The following KRTAP27-1 variants were observed in gnomAD, a reference collection of about 807,000 sequenced individuals.
KRTAP27-1 encodes keratin-associated protein 27-1.
A neutral mutation model predicts 0.5 loss-of-function variants in KRTAP27-1; 1 was observed. The ratio of observed to expected loss-of-function variants is 1.90; its 90% confidence interval spans 0.68 to 9.03. The LOEUF (loss-of-function observed/expected upper bound fraction) is 9.03. Among genes scored for constraint, KRTAP27-1 ranks in the 30% most tolerant of loss-of-function variants. KRTAP27-1 has a pLI of 0.13. For missense variants in KRTAP27-1, 264 were observed against 244.2 expected, an observed-to-expected ratio of 1.08 and a Z score of -0.54; for synonymous variants, 103 against 88.9, an observed-to-expected ratio of 1.16 and a Z score of -0.89.
rs1982058716 is a variant in KRTAP27-1, at chr21:30,337,318, T to C, written c.351A>G (p.Gln117=). ...AGLACVSQPC[Q]SESTQQMGFV... ...AACCCATCTGCTGAGTGCTTTCTGA[T>C]TGGCAAGGCTGAGAAACACAAGCCA... Residue 117 remains glutamine (Q), a synonymous_variant, in exon 1 of 1, where the codon CAA becomes CAG. Transcript: ENST00000382835. The C allele has an allele frequency of 1.2e-6, 2 of 1,614,236 alleles. No homozygotes were observed. The highest frequency in any genetic ancestry group is 2.2e-5 in the East Asian group (1 of 44,890).
chr21:30,337,600 ATG>A, the KRTAP27-1 span: 19 of 1,614,036 alleles, frequency 1.2e-5, no homozygotes, highest in Non-Finnish European at 1.4e-5. Flanking sequence ...GATTAGTGCC[ATG>A]TGTGATGGCA....
Position 30,337,277 on chromosome 21 carries a change from C to T in KRTAP27-1, c.392G>A (p.Cys131Tyr). ...TQQMGFVAQS[C>Y]QPASLKGNSC... is the part of the protein sequence containing the mutation. ...GTTTCCCTTGAGGCTTGCAGGTTGG[C>T]AGCTCTGGGCTACAAAACCCATCTG... Residue 131 changes from cysteine (C) to tyrosine (Y), a missense_variant, in exon 1 of 1, where the codon TGC (cysteine) becomes TAC (tyrosine). Cys to Tyr is a radical substitution (Grantham distance 194, BLOSUM62 -2). Coordinates refer to ENST00000382835, the MANE Select transcript of KRTAP27-1 (RefSeq NM_001077711.1). The T allele has an allele frequency of 1.1e-5, 17 of 1,614,132 alleles. No individual in the cohort carries two copies. Among genetic ancestry groups the T allele is most frequent in the Non-Finnish European group, 1.4e-5 (17 of 1,179,966 alleles).
At position 30,337,481 on chromosome 21, in the gene KRTAP27-1, G is replaced by A. The variant is rs761685878; in HGVS notation, c.188C>T (p.Thr63Ile). 6.2e-7 allele frequency: 1 copy of A among 1,614,160 alleles called. No individual in the cohort carries two copies. The highest frequency in any genetic ancestry group is 8.5e-7 in the Non-Finnish European group (1 of 1,180,038). ...TGTGAATAAGTCCTGTTCACAATTG[G>A]TCATTTGGCAGCTGGTGGTTTCATT... Reference protein sequence around the residue: ...TCNETTSCQMTNCEQDLFTDD... With the variant: ...TCNETTSCQMINCEQDLFTDD... Residue 63 changes from threonine to isoleucine, a missense_variant, in exon 1 of 1, where the codon ACC (threonine) becomes ATC (isoleucine). Coordinates refer to ENST00000382835, the MANE Select transcript of KRTAP27-1 (RefSeq NM_001077711.1).
the KRTAP27-1 span, chr21:30,337,529 AG>A: frequency 4.6e-4 from 739 of 1,614,202 alleles, 5 homozygotes; most frequent in African/African-American, 9.2e-3. Flanking sequence ...AAAGTTGTCC[AG>A]GAAACAGGTT....
chr21:30,337,557 T>C lies in KRTAP27-1; in HGVS notation c.112A>G (p.Ser38Gly), dbSNP rs779613907. ...AAACAGGTTCTGCTATGGAAGCTGC[T>C]GGGCAAACACAATCTGTCTTCAAAG... ...ITFEDRLCLPSSFHSRTCFLD... is the reference protein window; with the variant it reads ...ITFEDRLCLPGSFHSRTCFLD... Residue 38 changes from serine to glycine, a missense_variant, in exon 1 of 1, where the codon AGC becomes GGC. Ser to Gly is a moderately conservative substitution (Grantham distance 56). Coordinates refer to ENST00000382835, the MANE Select transcript of KRTAP27-1 (RefSeq NM_001077711.1). The C allele has an allele frequency of 3.1e-6, 5 of 1,614,198 alleles. No individual in the cohort carries two copies.
Position 30,337,271 on chromosome 21 carries a change from G to A in KRTAP27-1, c.398C>T (p.Pro133Leu), listed in dbSNP as rs765681661. The change falls in exon 1 of 1, where the codon CCT becomes CTT. Residue 133 changes from proline (P) to leucine (L), a missense_variant. Physicochemically the swap from Pro to Leu is moderately conservative, Grantham distance 98. Coordinates refer to ENST00000382835, the MANE Select transcript of KRTAP27-1 (RefSeq NM_001077711.1). ...QMGFVAQSCQ[P>L]ASLKGNSCPP... ...GCAACTGTTTCCCTTGAGGCTTGCA[G>A]GTTGGCAGCTCTGGGCTACAAAACC... The A allele has an allele frequency of 6.8e-6, 11 of 1,614,140 alleles. No individual in the cohort carries two copies. The highest frequency in any genetic ancestry group is 8.5e-6 in the Non-Finnish European group (10 of 1,179,978).
At position 30,337,353 on chromosome 21, in the gene KRTAP27-1, A is replaced by C. The variant is rs1231843230; in HGVS notation, c.316T>G (p.Ser106Ala). 1.2e-6 allele frequency: 2 copies of C among 1,613,972 alleles called. No individual in the cohort carries two copies. Among genetic ancestry groups the C allele is most frequent in the Admixed American group, 1.7e-5 (1 of 60,012 alleles). Residue 106 changes from serine (S) to alanine (A), a missense_variant, in exon 1 of 1, where the codon TCA becomes GCA. Coordinates refer to ENST00000382835, the MANE Select transcript of KRTAP27-1 (RefSeq NM_001077711.1). Reference protein sequence around the residue: ...ERTACQSESSSAGLACVSQPC... With the variant: ...ERTACQSESSAAGLACVSQPC... ...TGAGAAACACAAGCCAGCCCTGCTG[A>C]AGAACTTTCTGATTGGCACGCTGTC... is the stretch of plus-strand genomic sequence containing the variant.
In KRTAP27-1 at chr21:30,337,528, C is replaced by T. The variant is rs1292212429; in HGVS notation, c.141G>A (p.Leu47=). ...CATTGCAGGTTTCTTGAAAGTTGTCCAGGAAACAGGTTCTGCTATGGAAGC... is the reference window on the plus strand; with the variant it reads ...CATTGCAGGTTTCTTGAAAGTTGTCTAGGAAACAGGTTCTGCTATGGAAGC... ...PSSFHSRTCF[L]DNFQETCNET... Residue 47 remains leucine (L), a synonymous_variant, in exon 1 of 1, where the codon CTG becomes CTA. Transcript: ENST00000382835. The T allele has an allele frequency of 1.2e-6, 2 of 1,614,086 alleles. No individual in the cohort carries two copies. Among genetic ancestry groups the T allele is most frequent in the Non-Finnish European group, 1.7e-6 (2 of 1,180,016 alleles).
At position 30,337,126 on chromosome 21, in the gene KRTAP27-1, A is replaced by G. The variant is rs1348575667; in HGVS notation, c.543T>C (p.Pro181=). ...GAGAAGATTCCAGGAGTTGTGGCTC[A>G]GGTGCAACATTGACCAGAGGTCTAC... The part of the protein sequence containing the change: ...SSCRPLVNVA[P]EPQLLESSPG... Residue 181 remains proline (P), a synonymous_variant, in exon 1 of 1, where the codon CCT becomes CCC. Transcript: ENST00000382835. 1.9e-6 allele frequency: 3 copies of G among 1,614,090 alleles called. No individual in the cohort carries two copies. The South Asian group carries it at 3.3e-5, about 18-fold the overall frequency.
chr21:30,337,358 C>T lies in KRTAP27-1; in HGVS notation c.311G>A (p.Ser104Asn). The part of the protein sequence containing the change: ...PCERTACQSE[S>N]SSAGLACVSQ... ...AACACAAGCCAGCCCTGCTGAAGAA[C>T]TTTCTGATTGGCACGCTGTCCTTTC... The change falls in exon 1 of 1, where the codon AGT becomes AAT. Residue 104 changes from serine (S) to asparagine (N), a missense_variant. By Grantham distance (46) the Ser-to-Asn change is conservative. Coordinates refer to ENST00000382835, the MANE Select transcript of KRTAP27-1 (RefSeq NM_001077711.1). 3 of 1,614,046 alleles carry T rather than the reference C, an allele frequency of 1.9e-6. No individual in the cohort carries two copies. The highest frequency in any genetic ancestry group is 2.2e-5 in the South Asian group (2 of 91,078).
Position 30,337,404 on chromosome 21 carries a change from A to G in KRTAP27-1, c.265T>C (p.Tyr89His), listed in dbSNP as rs183784672. 3.1e-6 allele frequency: 5 copies of G among 1,614,224 alleles called. No homozygotes were observed. The East Asian group carries it at 1.1e-4, about 36-fold the overall frequency. ...CTTTCGCAGGGCCTGGAATTGGAGT[A>G]AGTAGTTTGGACAACTCCGGGGAAG... is the stretch of plus-strand genomic sequence containing the variant. ...NCFPGVVQTT[Y>H]SNSRPCERTA... The change falls in exon 1 of 1, where the codon TAC becomes CAC. Residue 89 changes from tyrosine to histidine, a missense_variant. Physicochemically the swap from Tyr to His is moderately conservative, Grantham distance 83 (BLOSUM62 2). Transcript: ENST00000382835.
At position 30,337,478 on chromosome 21, in the gene KRTAP27-1, T is replaced by C. The variant is rs760513140; in HGVS notation, c.191A>G (p.Asn64Ser). Residue 64 changes from asparagine to serine, a missense_variant, in exon 1 of 1, where the codon AAT becomes AGT. Asn to Ser is a conservative substitution (Grantham distance 46, BLOSUM62 1). Coordinates refer to ENST00000382835, the MANE Select transcript of KRTAP27-1 (RefSeq NM_001077711.1). ...GTCTGTGAATAAGTCCTGTTCACAA[T>C]TGGTCATTTGGCAGCTGGTGGTTTC... ...CNETTSCQMT[N>S]CEQDLFTDDS... 19 of 1,614,196 alleles carry C rather than the reference T, an allele frequency of 1.2e-5. 1 individual carries two copies. In the South Asian group the frequency reaches 1.2e-4, roughly 10 times the overall value.
rs139988725 is a variant in KRTAP27-1, at chr21:30,337,361, T to A, written c.308A>T (p.Glu103Val). The A allele has an allele frequency of 9.6e-4, 1,555 of 1,614,076 alleles. No individual in the cohort carries two copies. The highest frequency in any genetic ancestry group is 1.2e-3 in the Admixed American group (74 of 60,024). ...ACAAGCCAGCCCTGCTGAAGAACTT[T>A]CTGATTGGCACGCTGTCCTTTCGCA... ...RPCERTACQS[E>V]SSSAGLACVS... The change falls in exon 1 of 1, where the codon GAA (glutamate) becomes GTA (valine). Residue 103 changes from glutamate to valine, a missense_variant. Coordinates refer to ENST00000382835, the MANE Select transcript of KRTAP27-1 (RefSeq NM_001077711.1).
rs765749080 is a variant in KRTAP27-1, at chr21:30,337,648, A to G, written c.21T>C (p.His7=). 6.2e-7 allele frequency: 1 copy of G among 1,613,026 alleles called. No homozygotes were observed. The highest frequency in any genetic ancestry group is 1.7e-5 in the Admixed American group (1 of 60,006). MPHSHC[H]SLRSFHNAPP... The stretch of plus-strand genomic sequence containing the variant: ...GGGCATTGTGGAAGCTCCTGAGTGA[A>G]TGGCAGTGGCTATGAGGCATATTGC... The change falls in exon 1 of 1, where the codon CAT becomes CAC. Residue 7 remains histidine (H), a synonymous_variant. Transcript: ENST00000382835.
At chr21:30,337,504 ATTGCAGGTTTC>A in the KRTAP27-1 span, 1 of 1,614,178 alleles carries the variant, frequency 6.2e-7, no homozygotes, top group Admixed American at 1.7e-5. Flanking sequence ...TGGTGGTTTC[ATTGCAGGTTTC>A]TTGAAAGTTG....
Position 30,337,059 on chromosome 21 carries a change from A to T in KRTAP27-1, c.610T>A (p.Leu204Met). ...PTCCVTGGSQ[L>M]PSK is the part of the protein sequence containing the mutation. ...CCTACAGATCTTCACTTACTAGGCA[A>T]TTGAGAACCACCAGTAACACAGCAA... Residue 204 changes from leucine to methionine, a missense_variant, in exon 1 of 1, where the codon TTG becomes ATG. Transcript: ENST00000382835. 6.3e-7 allele frequency: 1 copy of T among 1,598,278 alleles called. No homozygotes were observed.
Position 30,337,358 on chromosome 21 carries a change from C to A in KRTAP27-1, c.311G>T (p.Ser104Ile). ...PCERTACQSE[S>I]SSAGLACVSQ... Reference sequence around the variant, plus strand: ...AACACAAGCCAGCCCTGCTGAAGAACTTTCTGATTGGCACGCTGTCCTTTC... The same window carrying A: ...AACACAAGCCAGCCCTGCTGAAGAAATTTCTGATTGGCACGCTGTCCTTTC... The change falls in exon 1 of 1, where the codon AGT (serine) becomes ATT (isoleucine). Residue 104 changes from serine to isoleucine, a missense_variant. By Grantham distance (142) the Ser-to-Ile change is moderately radical. Coordinates refer to ENST00000382835, the MANE Select transcript of KRTAP27-1 (RefSeq NM_001077711.1). 2 of 1,614,046 alleles carry A rather than the reference C, an allele frequency of 1.2e-6. No individual in the cohort carries two copies. The highest frequency in any genetic ancestry group is 1.7e-6 in the Non-Finnish European group (2 of 1,179,896).
At position 30,337,081 on chromosome 21, in the gene KRTAP27-1, G is replaced by A; in HGVS notation, c.588C>T (p.Cys196=). 1 of 1,611,080 alleles carries A rather than the reference G, an allele frequency of 6.2e-7. No homozygotes were observed. The highest frequency in any genetic ancestry group is 8.5e-7 in the Non-Finnish European group (1 of 1,177,682). The change falls in exon 1 of 1, where the codon TGC becomes TGT. Residue 196 remains cysteine, a synonymous_variant. Transcript: ENST00000382835. The stretch of plus-strand genomic sequence containing the variant: ...GCAATTGAGAACCACCAGTAACACA[G>A]CAAGTTGGTTCAACTCCTGGAGAAG... The part of the protein sequence containing the change: ...LESSPGVEPT[C]CVTGGSQLPS...
At position 30,337,114 on chromosome 21, in the gene KRTAP27-1, G is replaced by A. The variant is rs764615394; in HGVS notation, c.555C>T (p.Leu185=). 2 of 1,614,072 alleles carry A rather than the reference G, an allele frequency of 1.2e-6. No individual in the cohort carries two copies. Among genetic ancestry groups the A allele is most frequent in the Non-Finnish European group, 1.7e-6 (2 of 1,179,950 alleles). The stretch of plus-strand genomic sequence containing the variant: ...GTTCAACTCCTGGAGAAGATTCCAG[G>A]AGTTGTGGCTCAGGTGCAACATTGA... ...PLVNVAPEPQ[L]LESSPGVEPT... Residue 185 remains leucine, a synonymous_variant, in exon 1 of 1, where the codon CTC becomes CTT. Transcript: ENST00000382835.
Sources: allele counts gnomAD v4.1 joint callset, GRCh38; gene constraint gnomAD v4.1.1; transcripts MANE v1.5; gene names NCBI Gene and HGNC (gene_info 2026-07-23, HGNC 2026-07-21).